The following HAPLN4 variants were observed in gnomAD, a reference collection of about 807,000 sequenced individuals.
HAPLN4 encodes brain link protein 2.
HAPLN4 carries 19 observed loss-of-function variants against 28.0 expected under a neutral mutation model. The observed-to-expected ratio is 0.68, with a 90% CI of 0.47 to 1.00. The LOEUF is 1.00. Among genes scored for constraint, HAPLN4 ranks in the 50% least tolerant of loss-of-function variants. The probability of loss-of-function intolerance (pLI) is 0.00; values close to 1 mark genes in which losing one functional copy is unlikely to be tolerated. For synonymous variants in HAPLN4, 274 were observed against 273.0 expected (o/e 1.00, Z -0.03); for missense variants, 587 against 602.6 (o/e 0.97, Z 0.27).
rs934121907 is a variant in HAPLN4 at position 19,257,947 on chromosome 19, C to T, written c.1079G>A (p.Gly360Asp). 2 of 1,515,508 alleles carry T rather than the reference C, an allele frequency of 1.3e-6. No individual in the cohort carries two copies. The highest frequency in any genetic ancestry group is 2.9e-5 in the African/African-American group (2 of 70,010). The allele number at this position is 1,515,508 out of a possible 1,614,324, so 93.9% of individuals were successfully genotyped here. Residue 360 changes from glycine (G) to aspartate (D), a missense_variant, in exon 5 of 5, where the codon GGC (glycine) becomes GAC (aspartate). Transcript: ENST00000291481. ...GFPDATRRLF[G>D]VYCYRAPGAP... ...TCCTGGAGCGCGGTAGCAGTAGACG[C>T]CGAAGAGCCGTCGGGTGGCGTCCGG...
chr19:19,256,626 T>G lies in HAPLN4; in HGVS notation c.*1191A>C, dbSNP rs1225959741. 6.6e-6 allele frequency: 1 copy of G among 152,580 alleles called. No individual in the cohort carries two copies. Among genetic ancestry groups the G allele is most frequent in the Non-Finnish European group, 1.5e-5 (1 of 68,108 alleles). 9.5% of individuals were successfully genotyped at this position (152,580 alleles called of 1,614,324 possible). ...TGGGGGTGGAGCATGGAGGGTGGTC[T>G]GGAACTGGAGTGGGCCTGGGGACAG... On this transcript the variant is annotated 3_prime_UTR_variant, in exon 5 of 5. Transcript: ENST00000291481.
intron 3 of HAPLN4, among the ~76,000 whole-genome samples, chr19:19,259,957 G>A (rs2146570356): frequency 6.6e-6 from 1 of 152,302 alleles, no homozygotes; most frequent in East Asian, 1.9e-4. Context: ...AGCCAGTGAG[G>A]GACAACTCTG....
chr19:19,262,132 G>A (rs1434373840), intron 1 of HAPLN4, among the ~76,000 whole-genome samples: 1 of 151,478 alleles, frequency 6.6e-6, no homozygotes, highest in East Asian at 1.9e-4. Context: ...AGATGTAGAG[G>A]GAGAGACAGA....
chr19:19,258,809 G>A lies in HAPLN4; in HGVS notation c.531C>T (p.Thr177=), dbSNP rs1243897352. The A allele has an allele frequency of 5.0e-6, 8 of 1,591,018 alleles. No individual in the cohort carries two copies. Among genetic ancestry groups the A allele is most frequent in the African/African-American group, 2.7e-5 (2 of 74,380 alleles). ...YHPRGGRYKL[T]FAEAQRACAE... ...CGCACGCGCGCTGCGCCTCCGCGAA[G>A]GTCAGCTTGTATCGGCCTCCACGGG... Residue 177 remains threonine (T), a synonymous_variant, in exon 4 of 5, where the codon ACC becomes ACT. Transcript: ENST00000291481. This position sits in a 1 kb window ranked among gnomAD's most constrained non-coding sequence, Gnocchi z 6.2.
intron 3 of HAPLN4, 61 bp downstream of exon 3, chr19:19,260,752 T>A: frequency 1.3e-6 from 2 of 1,560,370 alleles, no homozygotes; most frequent in South Asian, 2.4e-5. Flanking sequence ...TTATGTCCCT[T>A]GCCATCCCCG....
chr19:19,261,413 CGGA>C (rs1599833636), intron 2 of HAPLN4, 30 bp downstream of exon 2: 3 of 1,572,330 alleles, frequency 1.9e-6, no homozygotes, highest in African/African-American at 2.7e-5. Flanking sequence ...CTGCTTTTCG[CGGA>C]GAAGACCACT....
Position 19,258,075 on chromosome 19 carries a change from G to T in HAPLN4, c.951C>A (p.Arg317=). The T allele has an allele frequency of 6.4e-7, 1 of 1,555,328 alleles. No homozygotes were observed. The highest frequency in any genetic ancestry group is 8.6e-7 in the Non-Finnish European group (1 of 1,157,624). Residue 317 remains arginine (R), a synonymous_variant, in exon 5 of 5, where the codon CGC becomes CGA. Coordinates refer to ENST00000291481, the MANE Select transcript of HAPLN4 (RefSeq NM_023002.3). This position sits in a 1 kb window ranked among gnomAD's most constrained non-coding sequence, Gnocchi z 6.2. ...CATCGGCCAGCCAACCCGCGGTGCAGCGGTCTAGCAGCTGCAGCTTCCACG... is the reference window on the plus strand; with the variant it reads ...CATCGGCCAGCCAACCCGCGGTGCATCGGTCTAGCAGCTGCAGCTTCCACG... ...FAAWKLQLLD[R]CTAGWLADGS...
In HAPLN4 at chr19:19,257,510, T is replaced by G. The variant is rs1204033106; in HGVS notation, c.*307A>C. On this transcript the variant is annotated 3_prime_UTR_variant, in exon 5 of 5. Coordinates refer to ENST00000291481, the MANE Select transcript of HAPLN4 (RefSeq NM_023002.3). ...TGGTCTCAGGAGGCGTGGCCAGTCT[T>G]CAGGAGCCTGCGGGTTCTGCTGGCC... The G allele has an allele frequency of 1.3e-5, 4 of 312,504 alleles. No homozygotes were observed. The highest frequency in any genetic ancestry group is 8.7e-5 in the African/African-American group (4 of 46,168). The allele number at this position is 312,504 out of a possible 1,614,324, so 19.4% of individuals were successfully genotyped here.
chr19:19,262,127 TAGAGGGAGAGACAGAGATGG>T (rs1405766908), intron 1 of HAPLN4, among the ~76,000 whole-genome samples: 1 of 134,882 alleles, frequency 7.4e-6, no homozygotes, highest in Admixed American at 7.3e-5. Context: ...GAGACAGATG[TAGAGGGAGAGACAGAGATGG>T]AGAGGGAGAG....
In HAPLN4 at chr19:19,256,071, C is replaced by T. The variant is rs968290934; in HGVS notation, c.*1746G>A. 1.3e-5 allele frequency: 2 copies of T among 152,210 alleles called. No individual in the cohort carries two copies. The highest frequency in any genetic ancestry group is 4.8e-5 in the African/African-American group (2 of 41,414). The allele number at this position is 152,210 out of a possible 1,614,324, so 9.4% of individuals were successfully genotyped here. On this transcript the variant is annotated 3_prime_UTR_variant, in exon 5 of 5. Coordinates refer to ENST00000291481, the MANE Select transcript of HAPLN4 (RefSeq NM_023002.3). The stretch of plus-strand genomic sequence containing the variant: ...AGAACATTCCATCCCTCCTGGATCT[C>T]TAAGGAGGGAAATGTGGGTGGGGGT...
In HAPLN4 at chr19:19,258,659, C is replaced by A; in HGVS notation, c.681G>T (p.Arg227=). The change falls in exon 4 of 5, where the codon CGG becomes CGT. Residue 227 remains arginine, a synonymous_variant. Transcript: ENST00000291481. This position sits in a 1 kb window ranked among gnomAD's most constrained non-coding sequence, Gnocchi z 6.2. ...GSVQYPVNRP[R]EPCGGLGGTG... is the part of the protein sequence containing the mutation. ...TCCCCCCCAGGCCGCCGCAGGGCTC[C>A]CGGGGCCGGTTCACGGGGTATTGCA... 6.2e-7 allele frequency: 1 copy of A among 1,610,644 alleles called. No homozygotes were observed. Among genetic ancestry groups the A allele is most frequent in the Non-Finnish European group, 8.5e-7 (1 of 1,178,588 alleles).
rs747560773 is a variant in HAPLN4 at position 19,258,767 on chromosome 19, G to T, written c.573C>A (p.Ile191=). 5.0e-6 allele frequency: 8 copies of T among 1,604,638 alleles called. No homozygotes were observed. The highest frequency in any genetic ancestry group is 1.6e-4 in the Middle Eastern group (1 of 6,070). The change falls in exon 4 of 5, where the codon ATC becomes ATA. Residue 191 remains isoleucine, a synonymous_variant. Coordinates refer to ENST00000291481, the MANE Select transcript of HAPLN4 (RefSeq NM_023002.3). This position sits in a 1 kb window ranked among gnomAD's most constrained non-coding sequence, Gnocchi z 6.2. Reference sequence around the variant, plus strand: ...CGTGCAGCTGTTCTGCAGATGCCAGGATGCCGTCCTGCTCGGCGCACGCGC... The same window carrying T: ...CGTGCAGCTGTTCTGCAGATGCCAGTATGCCGTCCTGCTCGGCGCACGCGC... ...AQRACAEQDG[I]LASAEQLHAA... is the part of the protein sequence containing the mutation.
At chr19:19,260,255 C>G (rs547618583) in intron 3 of HAPLN4, among the ~76,000 whole-genome samples, 1 of 152,086 alleles carries the variant, frequency 6.6e-6, no homozygotes, top group East Asian at 1.9e-4. Context: ...CTCGCTCTGT[C>G]GCCCAGGCTG....
Position 19,260,293 on chromosome 19 carries a change from C to T in HAPLN4, c.484+520G>A, listed in dbSNP as rs370827178. ...GTGCAGTGGCACGATCTCCACTCAC[C>T]GCAACCTCCACCTCCCGGGTTCAAG... On this transcript the variant is annotated intron_variant, in intron 3 of 4. Transcript: ENST00000291481. Among the ~76,000 whole-genome samples, 10 of 152,078 alleles carry T rather than the reference C, an allele frequency of 6.6e-5. No individual in the cohort carries two copies. In the East Asian group the frequency reaches 7.7e-4, roughly 12 times the overall value.
At chr19:19,261,634 G>A (rs1047951489) in intron 1 of HAPLN4, 71 bp from the exon 2 acceptor site, 82 of 1,031,192 alleles carry the variant, frequency 8.0e-5, no homozygotes, top group Middle Eastern at 3.1e-4. Flanking sequence ...GCTCCCTCCC[G>A]GGCCTGCCTT....
In HAPLN4 at chr19:19,254,836, C is replaced by T. The variant is rs1443090155; in HGVS notation, c.*2981G>A. ...GGAGTGCAGTGGTACAATCATGGCT[C>T]ACTGCAGCCTCGACCTTCTGGCTCA... On this transcript the variant is annotated 3_prime_UTR_variant, in exon 5 of 5. Coordinates refer to ENST00000291481, the MANE Select transcript of HAPLN4 (RefSeq NM_023002.3). 2 of 152,360 alleles carry T rather than the reference C, an allele frequency of 1.3e-5. No homozygotes were observed. Among genetic ancestry groups the T allele is most frequent in the Admixed American group, 6.5e-5 (1 of 15,268 alleles). The allele number at this position is 152,360 out of a possible 1,614,324, so 9.4% of individuals were successfully genotyped here.
In HAPLN4 at chr19:19,258,157, G is replaced by T. The variant is rs1037666547; in HGVS notation, c.869C>A (p.Ala290Glu). The T allele has an allele frequency of 5.9e-6, 9 of 1,537,660 alleles. No homozygotes were observed. The highest frequency in any genetic ancestry group is 1.2e-5 in the South Asian group (1 of 83,644). ...CGCGCCACGCGCAGCACACGCGCGC[G>T]CAGCTCCGGAGAAGGGTACAGGTCG... ...PLRPVPFSGA[A>E]RACAARGAAV... Residue 290 changes from alanine to glutamate, a missense_variant, in exon 5 of 5, where the codon GCG (alanine) becomes GAG (glutamate). Physicochemically the swap from Ala to Glu is moderately radical, Grantham distance 107 (BLOSUM62 -1). Coordinates refer to ENST00000291481, the MANE Select transcript of HAPLN4 (RefSeq NM_023002.3). This position sits in a 1 kb window ranked among gnomAD's most constrained non-coding sequence, Gnocchi z 6.2.
rs1463725523 is a variant in HAPLN4 at position 19,258,050 on chromosome 19, C to A, written c.976G>T (p.Gly326Cys). The A allele has an allele frequency of 3.9e-6, 6 of 1,549,890 alleles. No homozygotes were observed. The highest frequency in any genetic ancestry group is 5.2e-6 in the Non-Finnish European group (6 of 1,154,016). The change falls in exon 5 of 5, where the codon GGC becomes TGC. Residue 326 changes from glycine (G) to cysteine (C), a missense_variant. Gly to Cys is a radical substitution (Grantham distance 159). Transcript: ENST00000291481. The surrounding 1 kb of genome is among the most constrained non-coding windows in gnomAD (Gnocchi z 6.2). ...DRCTAGWLAD[G>C]SARYPIVNPR... is the part of the protein sequence containing the mutation. ...TTCACGATGGGGTAGCGCGCACTGC[C>A]ATCGGCCAGCCAACCCGCGGTGCAG...
chr19:19,258,227 G>T lies in HAPLN4; in HGVS notation c.818-19C>A. 1 of 1,468,148 alleles carries T rather than the reference G, an allele frequency of 6.8e-7. No homozygotes were observed. Among genetic ancestry groups the T allele is most frequent in the Non-Finnish European group, 9.0e-7 (1 of 1,110,324 alleles). 90.9% of individuals were successfully genotyped at this position (1,468,148 alleles called of 1,614,324 possible). ...ACGCGCCCTGCGGGGGTGAGGTGGG[G>T]GGTGGGTTATTAGTGCGGCTCCTGG... On this transcript the variant is annotated intron_variant, in intron 4 of 4. Coordinates refer to ENST00000291481, the MANE Select transcript of HAPLN4 (RefSeq NM_023002.3). The surrounding 1 kb of genome is among the most constrained non-coding windows in gnomAD (Gnocchi z 6.2).
Sources: allele counts gnomAD v4.1 joint callset (sites outside exome capture counted in the v4.1 genomes callset), GRCh38; gene constraint gnomAD v4.1.1; non-coding constraint Gnocchi (gnomAD v3.1); transcripts MANE v1.5; gene names NCBI Gene and HGNC (gene_info 2026-07-23, HGNC 2026-07-21).